Variants in OCA2 observed in about 807,000 individuals in gnomAD.
The protein encoded by OCA2 is P protein.
A neutral mutation model predicts 100.2 loss-of-function variants in OCA2; 77 were observed. That is an observed-to-expected ratio of 0.77 (90% CI 0.64 to 0.93). OCA2 has a LOEUF of 0.93. Ranked by LOEUF, OCA2 falls within the 40% of genes least tolerant of loss-of-function variation. The probability of loss-of-function intolerance (pLI) is 0.00; values close to 1 mark genes in which losing one functional copy is unlikely to be tolerated. For synonymous variants in OCA2, 432 were observed against 439.2 expected (o/e 0.98, Z 0.21); for missense variants, 1,062 against 1,089.1 (o/e 0.98, Z 0.35).
At chr15:27,948,717 C>T (rs1463232956) in intron 18 of OCA2, among the ~76,000 whole-genome samples, 3 of 152,162 alleles carry the variant, frequency 2.0e-5, no homozygotes, top group African/African-American at 4.8e-5. Context: ...CCACCCTCCT[C>T]GGCCTTCCAA....
At chr15:27,802,650 T>C (rs2033662088) in intron 23 of OCA2, among the ~76,000 whole-genome samples, 1 of 152,146 alleles carries the variant, frequency 6.6e-6, no homozygotes, top group Non-Finnish European at 1.5e-5. Flanking sequence ...TTTACAAAGA[T>C]GCAAAAAGCA....
At chr15:27,976,822 T>C (rs1567181527) in intron 14 of OCA2, among the ~76,000 whole-genome samples, 4 of 152,210 alleles carry the variant, frequency 2.6e-5, no homozygotes, top group Non-Finnish European at 4.4e-5. Flanking sequence ...ATTATAACAT[T>C]ATTTTTTCCT....
chr15:27,751,755 G>C (rs1446806156), downstream of OCA2, among the ~76,000 whole-genome samples: 1 of 152,178 alleles, frequency 6.6e-6, no homozygotes, highest in African/African-American at 2.4e-5. Flanking sequence ...GGGAGAATAG[G>C]AGTGCAAACC....
In OCA2 at chr15:27,851,409, C is replaced by T. The variant is rs754093708; in HGVS notation, c.2311G>A (p.Ala771Thr). ...CCCAGGCAAGCACCGAAGGCCAGGG[C>T]ATACATGAGCGGCGGTGCGGGCAGG... ...VGLPAPPLMYALAFGACLGGN... is the reference protein window; with the variant it reads ...VGLPAPPLMYTLAFGACLGGN... Residue 771 changes from alanine (A) to threonine (T), a missense_variant, in exon 22 of 24, where the codon GCC becomes ACC. By Grantham distance (58) the Ala-to-Thr change is moderately conservative. Transcript: ENST00000354638. 4 of 1,614,042 alleles carry T rather than the reference C, an allele frequency of 2.5e-6. No homozygotes were observed. Among genetic ancestry groups the T allele is most frequent in the Non-Finnish European group, 1.7e-6 (2 of 1,179,990 alleles).
intron 23 of OCA2, among the ~76,000 whole-genome samples, chr15:27,823,340 A>C (rs527650313): frequency 6.6e-6 from 1 of 152,244 alleles, no homozygotes; most frequent in South Asian, 2.1e-4. Context: ...GAAGGAAGGA[A>C]AGAATGGAGG....
At chr15:27,975,612 A>G (rs1033661829) in intron 14 of OCA2, among the ~76,000 whole-genome samples, 5 of 152,210 alleles carry the variant, frequency 3.3e-5, no homozygotes, top group African/African-American at 9.6e-5. Context: ...GTGGGCCTGT[A>G]TCTACACTCC....
intron 19 of OCA2, among the ~76,000 whole-genome samples, chr15:27,883,436 A>G (rs1246290142): frequency 6.6e-6 from 1 of 152,090 alleles, no homozygotes; most frequent in Non-Finnish European, 1.5e-5. Context: ...TCATTATGAC[A>G]CCCGGTTAAA....
At chr15:27,954,174 T>C (rs1175237698) in intron 17 of OCA2, among the ~76,000 whole-genome samples, 1 of 150,364 alleles carries the variant, frequency 6.7e-6, no homozygotes, top group Non-Finnish European at 1.5e-5. Context: ...GGGTCATTTC[T>C]GTAAGAATTC....
intron 5 of OCA2, among the ~76,000 whole-genome samples, chr15:28,024,527 GGCT>G (rs2042689917): frequency 1.3e-5 from 2 of 152,264 alleles, no homozygotes; most frequent in South Asian, 4.2e-4. Flanking sequence ...TACTGTCCAG[GGCT>G]GAACAGGGAA....
chr15:27,752,355 A>G (rs186008436), downstream of OCA2, among the ~76,000 whole-genome samples: 157 of 152,346 alleles, frequency 1.0e-3, no homozygotes, highest in African/African-American at 3.4e-3. Context: ...TTTCCATCAT[A>G]ACGACACAGG....
At chr15:28,003,457 C>A (rs1233757874) in intron 9 of OCA2, among the ~76,000 whole-genome samples, 1 of 152,176 alleles carries the variant, frequency 6.6e-6, no homozygotes, top group Non-Finnish European at 1.5e-5. Context: ...CCGTGCCCCA[C>A]GCGCGCTGCC....
At chr15:27,912,295 T>A (rs72710600) in intron 19 of OCA2, among the ~76,000 whole-genome samples, 2,091 of 152,254 alleles carry the variant, frequency 0.014, 23 homozygotes, top group South Asian at 0.059. Context: ...AGATTTTGAT[T>A]TCTAAACACC....
intron 2 of OCA2, 148 bp downstream of exon 2, chr15:28,081,500 A>G (rs1374100769): frequency 1.4e-6 from 1 of 697,518 alleles, no homozygotes; most frequent in Non-Finnish European, 2.5e-6. Flanking sequence ...AGTCATCAAA[A>G]ACTAAGCCAG....
the OCA2 span, among the ~76,000 whole-genome samples, chr15:27,734,353 T>C: frequency 7.0e-6 from 1 of 143,352 alleles, no homozygotes; most frequent in Non-Finnish European, 1.5e-5. Flanking sequence ...TAAGAAAGAA[T>C]GCATTGAAAA....
intron 18 of OCA2, among the ~76,000 whole-genome samples, chr15:27,941,088 G>A (rs2039631103): frequency 6.6e-6 from 1 of 152,158 alleles, no homozygotes; most frequent in Non-Finnish European, 1.5e-5. Flanking sequence ...GATTTCTCCA[G>A]ACTTGGTTTT....
chr15:27,816,024 C>G (rs2034284589), intron 23 of OCA2, among the ~76,000 whole-genome samples: 1 of 152,138 alleles, frequency 6.6e-6, no homozygotes, highest in African/African-American at 2.4e-5. Context: ...GTCCCAGCTA[C>G]TCAGGAGGCT....
chr15:27,978,939 G>C (rs904943917), intron 14 of OCA2, among the ~76,000 whole-genome samples: 1 of 152,046 alleles, frequency 6.6e-6, no homozygotes. Flanking sequence ...CACCAGCCTC[G>C]GCCTCCCAAA....
At chr15:27,997,703 A>G (rs1595790032) in intron 9 of OCA2, among the ~76,000 whole-genome samples, 1 of 115,476 alleles carries the variant, frequency 8.7e-6, no homozygotes, top group African/African-American at 2.6e-5. Flanking sequence ...AGTTTTTTCC[A>G]ATTCTGTGAA....
chr15:27,829,301 A>ATAGATAGACAGATAGT (rs1555412955), intron 23 of OCA2, among the ~76,000 whole-genome samples: 1 of 151,060 alleles, frequency 6.6e-6, no homozygotes, highest in African/African-American at 2.4e-5. Flanking sequence ...AGATAGATAG[A>ATAGATAGACAGATAGT]TAGATAGATA....
Sources: allele counts gnomAD v4.1 joint callset (sites outside exome capture counted in the v4.1 genomes callset), GRCh38; gene constraint gnomAD v4.1.1; transcripts MANE v1.5; gene names NCBI Gene and HGNC (gene_info 2026-07-23, HGNC 2026-07-21).